KHDRBS2: variants seen among roughly 807,000 people sequenced by gnomAD.
The protein encoded by KHDRBS2 is KH domain-containing, RNA-binding, signal transduction-associated protein 2.
A neutral mutation model predicts 44.3 loss-of-function variants in KHDRBS2; 26 were observed. That is an observed-to-expected ratio of 0.59 (90% CI 0.43 to 0.81). The LOEUF (loss-of-function observed/expected upper bound fraction) is 0.81. Ranked by LOEUF, KHDRBS2 falls within the 40% of genes least tolerant of loss-of-function variation. KHDRBS2 has a pLI of 0.00. For synonymous variants in KHDRBS2, 194 were observed against 151.1 expected, an observed-to-expected ratio of 1.28 and a Z score of -2.08; for missense variants, 476 against 433.1, an observed-to-expected ratio of 1.10 and a Z score of -0.88.
intron 6 of KHDRBS2, among the ~76,000 whole-genome samples, chr6:61,789,076 C>T (rs1784244729): frequency 6.6e-6 from 1 of 151,216 alleles, no homozygotes; most frequent in Admixed American, 6.6e-5. Flanking sequence ...CGTAAGAAAA[C>T]GAGTAGCTAT....
At chr6:61,887,596 T>C (rs1583337498) in intron 6 of KHDRBS2, among the ~76,000 whole-genome samples, 1 of 152,294 alleles carries the variant, frequency 6.6e-6, no homozygotes, top group African/African-American at 2.4e-5. Flanking sequence ...AGGAGTGGAT[T>C]TGATTACTTA....
chr6:62,021,340 T>A (rs1488175472), intron 3 of KHDRBS2, among the ~76,000 whole-genome samples: 1 of 151,868 alleles, frequency 6.6e-6, no homozygotes, highest in East Asian at 1.9e-4. Flanking sequence ...CAAAACAATA[T>A]GTACAACAAA....
chr6:61,977,688 C>A (rs1345077543), intron 4 of KHDRBS2, among the ~76,000 whole-genome samples: 1 of 152,060 alleles, frequency 6.6e-6, no homozygotes, highest in East Asian at 1.9e-4. Context: ...TTCCACTACA[C>A]CAGGAAATAA....
intron 6 of KHDRBS2, among the ~76,000 whole-genome samples, chr6:61,829,911 C>G (rs1370676926): frequency 6.6e-6 from 1 of 152,072 alleles, no homozygotes; most frequent in Non-Finnish European, 1.5e-5. Flanking sequence ...AGATAGGAGA[C>G]ACATTTAAAA....
At position 61,785,262 on chromosome 6, in the gene KHDRBS2, T is replaced by C. The variant is rs578168751; in HGVS notation, c.811-52498A>G. 2.6e-5 allele frequency among the ~76,000 whole-genome samples: 4 copies of C among 152,226 alleles called. No homozygotes were observed. In the East Asian group the frequency reaches 7.7e-4, roughly 29 times the overall value. ...CAGAATCTAATACTTAGAGAAATGC[T>C]AATTTATAAAATAAGATACCACTTT... On this transcript the variant is annotated intron_variant, in intron 6 of 8. Transcript: ENST00000281156.
intron 2 of KHDRBS2, among the ~76,000 whole-genome samples, chr6:62,152,203 C>T (rs1296936358): frequency 6.6e-6 from 1 of 152,030 alleles, no homozygotes; most frequent in Non-Finnish European, 1.5e-5. Context: ...CCTGTAATCC[C>T]AGCTTCTCGG....
chr6:61,911,415 T>C (rs1806028628), intron 4 of KHDRBS2, among the ~76,000 whole-genome samples: 1 of 152,180 alleles, frequency 6.6e-6, no homozygotes, highest in Non-Finnish European at 1.5e-5. Flanking sequence ...ATCCCTACAC[T>C]TGTTCATGTA....
chr6:61,752,811 A>G (rs1193826427), intron 6 of KHDRBS2, among the ~76,000 whole-genome samples: 4 of 152,096 alleles, frequency 2.6e-5, no homozygotes, highest in African/African-American at 7.2e-5. Context: ...AATAAATACT[A>G]TAGAAAAAAT....
At chr6:62,117,289 G>T (rs147397110) in intron 2 of KHDRBS2, among the ~76,000 whole-genome samples, 3 of 152,080 alleles carry the variant, frequency 2.0e-5, no homozygotes, top group Non-Finnish European at 4.4e-5. Context: ...TTTGATAGTG[G>T]CTATCTTAAC....
At chr6:61,951,093 T>C (rs1583692479) in intron 4 of KHDRBS2, among the ~76,000 whole-genome samples, 1 of 151,996 alleles carries the variant, frequency 6.6e-6, no homozygotes, top group Non-Finnish European at 1.5e-5. Context: ...GATAGAACAT[T>C]CTATGGTTCT....
At chr6:61,677,044 A>C (rs1360406934), downstream of KHDRBS2, among the ~76,000 whole-genome samples, 4 of 152,034 alleles carry the variant, frequency 2.6e-5, no homozygotes, top group African/African-American at 9.6e-5. Flanking sequence ...TTTTGTACTT[A>C]AAAATAATGT....
chr6:61,562,564 C>A, the KHDRBS2 span, among the ~76,000 whole-genome samples: 1 of 152,020 alleles, frequency 6.6e-6, no homozygotes, highest in Non-Finnish European at 1.5e-5. Context: ...GTATATAAAT[C>A]CTTTAGGAAA....
chr6:62,055,535 A>G (rs1790073087), intron 2 of KHDRBS2, among the ~76,000 whole-genome samples: 1 of 152,018 alleles, frequency 6.6e-6, no homozygotes, highest in Non-Finnish European at 1.5e-5. Flanking sequence ...CTGTAAATCC[A>G]TTTACCTTAT....
intron 2 of KHDRBS2, among the ~76,000 whole-genome samples, chr6:62,060,046 C>A (rs1406543247): frequency 1.3e-5 from 2 of 151,724 alleles, no homozygotes; most frequent in Non-Finnish European, 1.5e-5. Flanking sequence ...TAGCTTTAAG[C>A]TAAGATGTAT....
chr6:61,554,309 G>A, the KHDRBS2 span, among the ~76,000 whole-genome samples: 1 of 151,888 alleles, frequency 6.6e-6, no homozygotes, highest in Admixed American at 6.6e-5. Flanking sequence ...TGTTTTATCT[G>A]AAATTAGAAG....
intron 1 of KHDRBS2, among the ~76,000 whole-genome samples, chr6:62,275,895 C>T (rs150781788): frequency 6.6e-6 from 1 of 152,200 alleles, no homozygotes; most frequent in Admixed American, 6.5e-5. Context: ...ATATTAGCTG[C>T]CTCTCAGAAT....
At chr6:61,624,030 A>G in the KHDRBS2 span, among the ~76,000 whole-genome samples, 1 of 152,224 alleles carries the variant, frequency 6.6e-6, no homozygotes, top group Non-Finnish European at 1.5e-5. Flanking sequence ...AACACTGGAA[A>G]AGAAAAAGTT....
At chr6:62,131,911 T>C (rs563613587) in intron 2 of KHDRBS2, among the ~76,000 whole-genome samples, 85 of 152,290 alleles carry the variant, frequency 5.6e-4, no homozygotes, top group Non-Finnish European at 1.0e-3. Context: ...ATGTGAAAGG[T>C]TCTAACAATA....
chr6:61,693,897 A>T (rs1333153639), intron 8 of KHDRBS2, among the ~76,000 whole-genome samples: 1 of 152,168 alleles, frequency 6.6e-6, no homozygotes, highest in East Asian at 1.9e-4. Context: ...AAAAGGCTTG[A>T]GAAGCAAGAG....
Sources: gnomAD v4.1 joint callset for allele counts (sites outside exome capture counted in the v4.1 genomes callset) on GRCh38, gnomAD v4.1.1 for gene constraint, MANE v1.5 for transcripts, NCBI Gene and HGNC (gene_info 2026-07-23, HGNC 2026-07-21) for gene names.